Variants in EXOC2 observed in about 807,000 individuals in gnomAD.
EXOC2 encodes the protein exocyst complex component 2, also known as SEC5-like 1.
EXOC2 carries 70 observed loss-of-function variants against 131.8 expected under a neutral mutation model. The observed-to-expected ratio is 0.53, with a 90% CI of 0.44 to 0.65. The LOEUF is 0.65. Among genes scored for constraint, EXOC2 ranks in the 30% least tolerant of loss-of-function variants. The pLI is 0.00. For synonymous variants in EXOC2, 411 were observed against 398.4 expected (o/e 1.03, Z -0.38); for missense variants, 923 against 1,108.6 (o/e 0.83, Z 2.38).
rs374897185 is a variant in EXOC2 at position 490,434 on chromosome 6, G to A, written c.2621+691C>T. Among the ~76,000 whole-genome samples the A allele has an allele frequency of 1.1e-3, 166 of 152,318 alleles. 4 individuals are homozygous for A. In the South Asian group the frequency reaches 0.033, roughly 30 times the overall value. On this transcript the variant is annotated intron_variant, in intron 26 of 27. Transcript: ENST00000230449. The stretch of plus-strand genomic sequence containing the variant: ...AAATGGCTGCTGGTGAGCTGTGACC[G>A]ACGGGAATGAAAGGCTAACTTCATT...
intron 4 of EXOC2, among the ~76,000 whole-genome samples, chr6:624,405 A>G (rs1343722179): frequency 6.6e-6 from 1 of 152,256 alleles, no homozygotes; most frequent in Non-Finnish European, 1.5e-5. Context: ...ATCAGAGTAG[A>G]TAATGCTTGT....
intron 22 of EXOC2, among the ~76,000 whole-genome samples, chr6:533,708 G>C (rs572581759): frequency 2.0e-5 from 3 of 152,248 alleles, no homozygotes; most frequent in East Asian, 1.9e-4. Context: ...GAAGAAGAGG[G>C]GGGAGGCAGA....
intron 23 of EXOC2, among the ~76,000 whole-genome samples, chr6:523,094 C>G (rs72835928): frequency 0.16 from 23,722 of 152,142 alleles, 2,076 homozygotes; most frequent in African/African-American, 0.24. Context: ...TCTGTTCTGA[C>G]AGGTAACATC....
chr6:637,622 T>C (rs1762160178), intron 2 of EXOC2, 79 bp downstream of exon 2: 1 of 1,122,556 alleles, frequency 8.9e-7, no homozygotes, highest in East Asian at 2.5e-5. Flanking sequence ...CCTTCACTGT[T>C]TGAAAATTAC....
chr6:589,913 T>C (rs1356066589), intron 11 of EXOC2, among the ~76,000 whole-genome samples: 2 of 152,196 alleles, frequency 1.3e-5, no homozygotes, highest in Admixed American at 1.3e-4. Context: ...GAGACCATCC[T>C]GGCTAACACC....
chr6:494,371 G>A (rs914268029), intron 25 of EXOC2, among the ~76,000 whole-genome samples: 135 of 151,790 alleles, frequency 8.9e-4, no homozygotes, highest in African/African-American at 3.1e-3. Flanking sequence ...GCTTCCATCC[G>A]TCACTCAGTC....
intron 17 of EXOC2, among the ~76,000 whole-genome samples, chr6:556,773 G>C (rs1401411546): frequency 1.3e-5 from 2 of 152,192 alleles, no homozygotes; most frequent in Admixed American, 1.3e-4. Context: ...AATCAATCTT[G>C]AGACTCCAAA....
intron 4 of EXOC2, among the ~76,000 whole-genome samples, chr6:622,709 A>C (rs1029998804): frequency 6.6e-6 from 1 of 152,230 alleles, no homozygotes; most frequent in Non-Finnish European, 1.5e-5. Flanking sequence ...TAAAAAACAG[A>C]ATGTACACAG....
In EXOC2 at chr6:629,275, A is replaced by G. The variant is rs554257938; in HGVS notation, c.422+560T>C. On this transcript the variant is annotated intron_variant, in intron 4 of 27. Coordinates refer to ENST00000230449, the MANE Select transcript of EXOC2 (RefSeq NM_018303.6). Reference sequence around the variant, plus strand: ...CACATTAGGTGAATTGTTTAAGTAGAAAGGCACTAATTATAAAAGTTACTA... The same window carrying G: ...CACATTAGGTGAATTGTTTAAGTAGGAAGGCACTAATTATAAAAGTTACTA... Among the ~76,000 whole-genome samples the G allele has an allele frequency of 7.9e-5, 12 of 152,362 alleles. No homozygotes were observed. The South Asian group carries it at 2.5e-3, about 32-fold the overall frequency.
intron 24 of EXOC2, among the ~76,000 whole-genome samples, chr6:499,165 G>T (rs910372916): frequency 6.6e-6 from 1 of 152,106 alleles, no homozygotes. Flanking sequence ...AGGAAACCAC[G>T]CATCTGTTCC....
intron 23 of EXOC2, among the ~76,000 whole-genome samples, chr6:527,381 T>C (rs1158394766): frequency 6.6e-6 from 1 of 152,272 alleles, no homozygotes; most frequent in Non-Finnish European, 1.5e-5. Context: ...GCAAGATACA[T>C]TCCAAAAGGC....
At chr6:603,658 A>G (rs774811958) in intron 7 of EXOC2, among the ~76,000 whole-genome samples, 1 of 151,910 alleles carries the variant, frequency 6.6e-6, no homozygotes, top group Non-Finnish European at 1.5e-5. Context: ...CCAGCCAGCC[A>G]CTGAGCAAAC....
At chr6:634,726 T>C (rs1312777203) in intron 2 of EXOC2, among the ~76,000 whole-genome samples, 1 of 152,200 alleles carries the variant, frequency 6.6e-6, no homozygotes, top group Non-Finnish European at 1.5e-5. Context: ...TCCTCAGGAC[T>C]ATGGTTTCTA....
At chr6:681,368 AG>A (rs1425738310) in intron 1 of EXOC2, among the ~76,000 whole-genome samples, 1 of 152,204 alleles carries the variant, frequency 6.6e-6, no homozygotes, top group Non-Finnish European at 1.5e-5. Flanking sequence ...AGAGGTGAAA[AG>A]TTTGATATTC....
intron 6 of EXOC2, among the ~76,000 whole-genome samples, chr6:615,184 T>TGTGG (rs1561927748): frequency 1.7e-4 from 19 of 115,088 alleles, no homozygotes; most frequent in African/African-American, 6.9e-4. Flanking sequence ...TGGGTGTGGG[T>TGTGG]GTGTGTGTGT....
At chr6:689,296 G>T (rs1384409758) in intron 1 of EXOC2, 1 of 152,194 alleles carries the variant, frequency 6.6e-6, no homozygotes, top group Non-Finnish European at 1.5e-5. Context: ...AATCTGAAAT[G>T]CTACCAAGGG....
intron 1 of EXOC2, among the ~76,000 whole-genome samples, chr6:666,100 C>A (rs1282304130): frequency 6.6e-6 from 1 of 152,132 alleles, no homozygotes. Flanking sequence ...GCAACTGAGA[C>A]CTCATGGCCA....
chr6:514,668 G>A (rs1472300918), intron 23 of EXOC2, among the ~76,000 whole-genome samples: 2 of 152,242 alleles, frequency 1.3e-5, no homozygotes, highest in Non-Finnish European at 2.9e-5. Flanking sequence ...GGGCTCCAGG[G>A]AGGCCAAAGG....
chr6:648,585 A>G (rs1762685019), intron 1 of EXOC2, among the ~76,000 whole-genome samples: 1 of 152,202 alleles, frequency 6.6e-6, no homozygotes, highest in Non-Finnish European at 1.5e-5. Context: ...GCCTGTCATA[A>G]ACCTCATTTG....
Sources: allele counts gnomAD v4.1 joint callset (sites outside exome capture counted in the v4.1 genomes callset), GRCh38; gene constraint gnomAD v4.1.1; transcripts MANE v1.5; gene names NCBI Gene and HGNC (gene_info 2026-07-23, HGNC 2026-07-21).